Variants in RASSF4 observed in about 807,000 individuals in gnomAD.
RASSF4 encodes ras association domain-containing protein 4.
In RASSF4, 38 loss-of-function variants were observed where a neutral mutation model predicts 41.1. That is an observed-to-expected ratio of 0.92 (90% CI 0.71 to 1.21). The LOEUF is 1.21. RASSF4 is among the 50% of genes most tolerant of loss of function. The pLI, the probability that RASSF4 is intolerant of heterozygous loss-of-function variation, is 0.00. For synonymous variants in RASSF4, 179 were observed against 163.4 expected, an observed-to-expected ratio of 1.10 and a Z score of -0.73; for missense variants, 414 against 419.4, an observed-to-expected ratio of 0.99 and a Z score of 0.11.
intron 6 of RASSF4, among the ~76,000 whole-genome samples, chr10:44,988,467 C>T (rs1841995630): frequency 6.6e-6 from 1 of 152,034 alleles, no homozygotes; most frequent in Non-Finnish European, 1.5e-5. Flanking sequence ...CCCCACCCCC[C>T]AGCCAAATTG....
chr10:44,970,560 C>T, intron 2 of RASSF4: 1 of 360,538 alleles, frequency 2.8e-6, no homozygotes, highest in Non-Finnish European at 5.0e-6. Context: ...TGCATGTTGA[C>T]AAATAGTAAT....
chr10:44,985,388 A>C (rs1292374378), intron 6 of RASSF4, among the ~76,000 whole-genome samples: 1 of 152,246 alleles, frequency 6.6e-6, no homozygotes, highest in Non-Finnish European at 1.5e-5. Flanking sequence ...GGACGACCCC[A>C]GATTCCCAGC....
intron 6 of RASSF4, among the ~76,000 whole-genome samples, chr10:44,987,671 GGT>G (rs1841971972): frequency 6.8e-6 from 1 of 147,464 alleles, no homozygotes; most frequent in Non-Finnish European, 1.5e-5. Flanking sequence ...GCAAATTGAA[GGT>G]GTGTGGCAAC....
intron 1 of RASSF4, among the ~76,000 whole-genome samples, chr10:44,966,760 A>T (rs987109617): frequency 6.6e-6 from 1 of 152,090 alleles, no homozygotes; most frequent in African/African-American, 2.4e-5. Flanking sequence ...CCTAGGTCGA[A>T]TCCAGCACCA....
chr10:44,974,580 G>C (rs115460968), intron 3 of RASSF4, among the ~76,000 whole-genome samples: 1,589 of 151,926 alleles, frequency 0.01, 33 homozygotes, highest in African/African-American at 0.036. Context: ...GCTGGCGAAG[G>C]GCTCACCACC....
chr10:44,983,098 T>A, intron 4 of RASSF4: 1 of 402,570 alleles, frequency 2.5e-6, no homozygotes. Context: ...TACATTTGTT[T>A]AATATCAGAA....
At chr10:44,977,397 G>A in intron 3 of RASSF4, 1 of 1,579,646 alleles carries the variant, frequency 6.3e-7, no homozygotes, top group Non-Finnish European at 8.6e-7. Context: ...AGGGGTCAGA[G>A]TTCATGGATC....
chr10:44,994,988 G>A lies in RASSF4; in HGVS notation c.*1659G>A, dbSNP rs573176279. On this transcript the variant is annotated 3_prime_UTR_variant, in exon 11 of 11. Coordinates refer to ENST00000340258, the MANE Select transcript of RASSF4 (RefSeq NM_032023.4). ...GGATGATGAGCAATAGAGTCACCCC[G>A]AGTCACAGAATCTTAGCATCAGGAG... is the stretch of plus-strand genomic sequence containing the variant. 3.0e-4 allele frequency: 46 copies of A among 152,360 alleles called. No homozygotes were observed. Among genetic ancestry groups the A allele is most frequent in the African/African-American group, 1.0e-3 (43 of 41,550 alleles). 9.4% of individuals were successfully genotyped at this position (152,360 alleles called of 1,614,324 possible). A position where few individuals can be genotyped will look rare whatever the true frequency, so the allele number is the denominator to read the frequency against.
chr10:44,969,255 G>A (rs1447549185), intron 1 of RASSF4, among the ~76,000 whole-genome samples: 1 of 152,134 alleles, frequency 6.6e-6, no homozygotes, highest in Non-Finnish European at 1.5e-5. Context: ...ACAGGTTCGA[G>A]AAAGCTCTGG....
intron 3 of RASSF4, chr10:44,976,501 T>G (rs1013888771): frequency 6.6e-6 from 1 of 152,438 alleles, no homozygotes; most frequent in African/African-American, 2.4e-5. Context: ...CCTTCACCTC[T>G]GATCAGTCCC....
At chr10:44,967,392 C>T (rs1488963539) in intron 1 of RASSF4, among the ~76,000 whole-genome samples, 1 of 152,196 alleles carries the variant, frequency 6.6e-6, no homozygotes, top group Non-Finnish European at 1.5e-5. Context: ...GGGTGGTGAG[C>T]GACCACACGG....
intron 4 of RASSF4, chr10:44,983,235 A>C: frequency 1.6e-5 from 5 of 322,028 alleles, no homozygotes; most frequent in East Asian, 8.6e-5. Context: ...TGCAGTAGTA[A>C]CTCCTGTAGA....
chr10:44,972,955 T>G (rs1841243187), intron 3 of RASSF4, among the ~76,000 whole-genome samples: 1 of 152,184 alleles, frequency 6.6e-6, no homozygotes, highest in African/African-American at 2.4e-5. Context: ...GAGGGCCGGC[T>G]GGAACCTGCT....
At chr10:44,962,337 G>A (rs192951306) in intron 1 of RASSF4, among the ~76,000 whole-genome samples, 3 of 152,362 alleles carry the variant, frequency 2.0e-5, no homozygotes, top group African/African-American at 7.2e-5. Flanking sequence ...TCATCTCCCT[G>A]CAGTGATATG....
intron 3 of RASSF4, chr10:44,977,382 T>G: frequency 6.4e-7 from 1 of 1,556,546 alleles, no homozygotes; most frequent in South Asian, 1.2e-5. Context: ...AAGCCTTTAC[T>G]GGGGAGGGGT....
chr10:44,969,084 A>C (rs1351161115), intron 1 of RASSF4, among the ~76,000 whole-genome samples: 1 of 146,012 alleles, frequency 6.8e-6, no homozygotes, highest in Non-Finnish European at 1.5e-5. Context: ...GTGTGTGTGC[A>C]TGTGATTGTG....
rs1816017971 is a variant in RASSF4, at chr10:44,995,585, G to A, written c.*2256G>A. On this transcript the variant is annotated 3_prime_UTR_variant, in exon 11 of 11. Coordinates refer to ENST00000340258, the MANE Select transcript of RASSF4 (RefSeq NM_032023.4). The stretch of plus-strand genomic sequence containing the variant: ...TCAATCTAATTTCTGAACGTTATGG[G>A]TCAGAAAAATCACTAGCAAGTGGCT... The A allele has an allele frequency of 6.6e-6, 1 of 152,192 alleles. No individual in the cohort carries two copies. The highest frequency in any genetic ancestry group is 2.1e-4 in the South Asian group (1 of 4,836). The allele number at this position is 152,192 out of a possible 1,614,324, so 9.4% of individuals were successfully genotyped here.
Position 44,984,893 on chromosome 10 carries a change from A to G in RASSF4, c.454A>G (p.Lys152Glu), listed in dbSNP as rs1303045295. 3 of 1,613,582 alleles carry G rather than the reference A, an allele frequency of 1.9e-6. No individual in the cohort carries two copies. Among genetic ancestry groups the G allele is most frequent in the Non-Finnish European group, 2.5e-6 (3 of 1,180,014 alleles). Reference protein sequence around the residue: ...DASCMSQRRPKCRAPGEAQRI... With the variant: ...DASCMSQRRPECRAPGEAQRI... ...CAGTTGCATGAGCCAGAGGAGGCCC[A>G]AGTGCCGCGCCCCCGGTGAGGCCCA... The change falls in exon 6 of 11, where the codon AAG (lysine) becomes GAG (glutamate). Residue 152 changes from lysine to glutamate, a missense_variant. By Grantham distance (56) the Lys-to-Glu change is moderately conservative. Transcript: ENST00000340258.
chr10:44,971,331 C>T lies in RASSF4; in HGVS notation c.63-442C>T, dbSNP rs918081669. On this transcript the variant is annotated intron_variant, in intron 2 of 10. Coordinates refer to ENST00000340258, the MANE Select transcript of RASSF4 (RefSeq NM_032023.4). ...AGTCAGGGTGGGGAAGAAGCAGGCA[C>T]CCCTCAGGGTGGCCCGCAGCAGCCA... The T allele has an allele frequency of 4.1e-5, 15 of 365,626 alleles. No homozygotes were observed. The East Asian group carries it at 7.3e-4, about 18-fold the overall frequency. The allele number at this position is 365,626 out of a possible 1,614,324, so 22.6% of individuals were successfully genotyped here. A position where few individuals can be genotyped will look rare whatever the true frequency, so the allele number is the denominator to read the frequency against.
Sources: allele counts gnomAD v4.1 joint callset (sites outside exome capture counted in the v4.1 genomes callset), GRCh38; gene constraint gnomAD v4.1.1; transcripts MANE v1.5; gene names NCBI Gene and HGNC (gene_info 2026-07-23, HGNC 2026-07-21).